KCNIP1: variants seen among roughly 807,000 people sequenced by gnomAD.
The protein encoded by KCNIP1 is A-type potassium channel modulatory protein KCNIP1.
KCNIP1 carries 18 observed loss-of-function variants against 33.0 expected under a neutral mutation model. That is an observed-to-expected ratio of 0.55 (90% CI 0.38 to 0.81). The LOEUF (loss-of-function observed/expected upper bound fraction) is 0.81, where lower values mean the gene tolerates loss of function less well. Ranked by LOEUF, KCNIP1 falls within the 30% of genes least tolerant of loss-of-function variation. The probability of loss-of-function intolerance (pLI) is 0.00; values close to 1 mark genes in which losing one functional copy is unlikely to be tolerated. For synonymous variants in KCNIP1, 93 were observed against 98.3 expected, an observed-to-expected ratio of 0.95 and a Z score of 0.32; for missense variants, 238 against 271.6, an observed-to-expected ratio of 0.88 and a Z score of 0.87.
At position 170,371,722 on chromosome 5, in the gene KCNIP1, G is replaced by A. The variant is rs377114745; in HGVS notation, c.88+17758G>A. ...TCAACAAATGCTAGCCCTTATTACC[G>A]TTAGGAATGATAGATTCTTGCACAG... On this transcript the variant is annotated intron_variant, in intron 1 of 7. Coordinates refer to the KCNIP1 transcript ENST00000377360. 1.9e-3 allele frequency among the ~76,000 whole-genome samples: 292 copies of A among 152,294 alleles called. 3 individuals carry two copies. The South Asian group carries it at 0.028, about 14-fold the overall frequency.
chr5:170,377,581 G>GT (rs369385575), intron 1 of KCNIP1: 44,699 of 147,696 alleles, frequency 0.3, 6,789 homozygotes, highest in South Asian at 0.43. Flanking sequence ...TTTGTTTTTT[G>GT]TTTTTTTTTT....
intron 1 of KCNIP1, among the ~76,000 whole-genome samples, chr5:170,472,835 TG>T (rs1756767735): frequency 6.6e-6 from 1 of 152,260 alleles, no homozygotes; most frequent in South Asian, 2.1e-4. Context: ...CGTTGATTGA[TG>T]GACATTTGGG....
intron 1 of KCNIP1, among the ~76,000 whole-genome samples, chr5:170,614,494 A>G (rs994124808): frequency 6.6e-6 from 1 of 152,230 alleles, no homozygotes; most frequent in African/African-American, 2.4e-5. Context: ...CCAACCAACC[A>G]TGAAATTTTA....
intron 1 of KCNIP1, among the ~76,000 whole-genome samples, chr5:170,634,066 T>G (rs1760190662): frequency 6.6e-6 from 1 of 152,106 alleles, no homozygotes; most frequent in Non-Finnish European, 1.5e-5. Context: ...CGGGATTTGT[T>G]GACAGACCAA....
rs1348520031 is a variant in KCNIP1, at chr5:170,373,595, A to AT, written c.88+19638dup. 4.9e-4 allele frequency among the ~76,000 whole-genome samples: 75 copies of AT among 152,280 alleles called. 1 individual carries two copies. The highest frequency in any genetic ancestry group is 9.6e-4 in the East Asian group (5 of 5,188). ...CATTAGTTGCTAACAAAAATAACATATTTTTTTGAAAAACAATTATGCGTG... is the reference window on the plus strand; with the variant it reads ...CATTAGTTGCTAACAAAAATAACATATTTTTTTTGAAAAACAATTATGCGTG... On this transcript the variant is annotated intron_variant, in intron 1 of 7. Transcript: ENST00000377360.
chr5:170,367,356 A>G (rs186438289), intron 1 of KCNIP1, among the ~76,000 whole-genome samples: 2,531 of 58,474 alleles, frequency 0.043, 48 homozygotes, highest in East Asian at 0.071. Context: ...AGAAAAAGAA[A>G]GAAAGAAAGA....
chr5:170,392,597 C>T (rs1163125445), intron 1 of KCNIP1, among the ~76,000 whole-genome samples: 13 of 152,248 alleles, frequency 8.5e-5, no homozygotes, highest in African/African-American at 2.2e-4. Flanking sequence ...CCAAGGCAGG[C>T]GGTTCATTTG....
chr5:170,509,874 T>A (rs758952747), intron 1 of KCNIP1, among the ~76,000 whole-genome samples: 19 of 152,226 alleles, frequency 1.2e-4, no homozygotes, highest in Non-Finnish European at 2.5e-4. Context: ...TTCACTCTTT[T>A]GCTGAAACAA....
In KCNIP1 at chr5:170,585,611, C is replaced by G. The variant is rs373555862; in HGVS notation, c.61+80978C>G. ...GCCCCCTGCCTCCCACCTCTCACCC[C>G]CCGCCCCGGAAATGGTTCTGTTGTT... On this transcript the variant is annotated intron_variant, in intron 1 of 7. Transcript: ENST00000328939. Among the ~76,000 whole-genome samples the G allele has an allele frequency of 7.2e-5, 11 of 152,270 alleles. No individual in the cohort carries two copies. In the South Asian group the frequency reaches 2.3e-3, roughly 32 times the overall value.
At chr5:170,390,928 C>G (rs538130300) in intron 1 of KCNIP1, among the ~76,000 whole-genome samples, 1 of 152,186 alleles carries the variant, frequency 6.6e-6, no homozygotes, top group South Asian at 2.1e-4. Context: ...CCAGCAGGCG[C>G]GAAATGAAGG....
chr5:170,654,885 A>T (rs1761200087), intron 1 of KCNIP1, among the ~76,000 whole-genome samples: 1 of 152,252 alleles, frequency 6.6e-6, no homozygotes, highest in East Asian at 1.9e-4. Flanking sequence ...GTCTGTTAAC[A>T]GTACCTGGTT....
At chr5:170,365,678 T>G (rs1180381030) in intron 1 of KCNIP1, among the ~76,000 whole-genome samples, 1 of 152,220 alleles carries the variant, frequency 6.6e-6, no homozygotes, top group Non-Finnish European at 1.5e-5. Context: ...CCTCCAGCCC[T>G]TGAGGATCCA....
At chr5:170,480,533 G>A (rs915643254) in intron 1 of KCNIP1, among the ~76,000 whole-genome samples, 1 of 149,370 alleles carries the variant, frequency 6.7e-6, no homozygotes, top group Non-Finnish European at 1.5e-5. Context: ...CTAGAGTGCA[G>A]TGTTGTGATC....
At chr5:170,647,150 G>A (rs1364578919) in intron 1 of KCNIP1, among the ~76,000 whole-genome samples, 1 of 152,142 alleles carries the variant, frequency 6.6e-6, no homozygotes, top group South Asian at 2.1e-4. Flanking sequence ...TTGTGGATAG[G>A]AAACCTTGGT....
At chr5:170,458,066 G>A (rs1023118340) in intron 1 of KCNIP1, among the ~76,000 whole-genome samples, 1 of 152,162 alleles carries the variant, frequency 6.6e-6, no homozygotes, top group African/African-American at 2.4e-5. Flanking sequence ...GAAACTCTCA[G>A]CAATAGAATT....
chr5:170,695,040 G>A (rs531756958), intron 1 of KCNIP1, among the ~76,000 whole-genome samples: 38 of 152,276 alleles, frequency 2.5e-4, no homozygotes, highest in African/African-American at 8.4e-4. Flanking sequence ...TGGGGCCAGG[G>A]CAGAGAAGTG....
At chr5:170,563,750 C>A (rs149241696) in intron 1 of KCNIP1, among the ~76,000 whole-genome samples, 2,265 of 152,306 alleles carry the variant, frequency 0.015, 60 homozygotes, top group African/African-American at 0.052. Context: ...AAACGATTCT[C>A]CTGCCTCAGC....
At chr5:170,663,543 A>G (rs1403982076) in intron 1 of KCNIP1, among the ~76,000 whole-genome samples, 1 of 152,088 alleles carries the variant, frequency 6.6e-6, no homozygotes, top group East Asian at 1.9e-4. Flanking sequence ...CAGAAAGAAA[A>G]TGTTCTGGAT....
intron 1 of KCNIP1, among the ~76,000 whole-genome samples, chr5:170,421,189 T>C (rs2042536792): frequency 6.6e-6 from 1 of 152,216 alleles, no homozygotes; most frequent in African/African-American, 2.4e-5. Context: ...AAGTCACTTA[T>C]GATGTCGGCA....
Sources: gnomAD v4.1 joint callset for allele counts (sites outside exome capture counted in the v4.1 genomes callset) on GRCh38, gnomAD v4.1.1 for gene constraint, MANE v1.5 for transcripts, NCBI Gene and HGNC (gene_info 2026-07-23, HGNC 2026-07-21) for gene names.